The following SNAP25 variants were observed in gnomAD, a reference collection of about 807,000 sequenced individuals.
SNAP25 encodes the protein synaptosomal-associated protein 25.
In SNAP25, 3 loss-of-function variants were observed where a neutral mutation model predicts 28.7. The ratio of observed to expected loss-of-function variants is 0.10; its 90% CI spans 0.05 to 0.27. SNAP25 has a LOEUF of 0.27. SNAP25 is among the 10% of genes least tolerant of loss of function. The probability of loss-of-function intolerance (pLI) is 1.00; values close to 1 mark genes in which losing one functional copy is unlikely to be tolerated. For synonymous variants in SNAP25, 61 were observed against 88.1 expected (o/e 0.69, Z 1.72); for missense variants, 117 against 278.7 (o/e 0.42, Z 4.13).
intron 1 of SNAP25, among the ~76,000 whole-genome samples, chr20:10,241,857 A>G (rs2063040129): frequency 1.3e-5 from 2 of 152,126 alleles, no homozygotes; most frequent in Admixed American, 6.5e-5. Flanking sequence ...TTGTTCAAAG[A>G]GCCCTGGGGA....
At chr20:10,229,344 A>G (rs2062786102) in intron 1 of SNAP25, among the ~76,000 whole-genome samples, 1 of 152,058 alleles carries the variant, frequency 6.6e-6, no homozygotes, top group Admixed American at 6.6e-5. Flanking sequence ...ACAAGCAGAG[A>G]GATGCAAACC....
At chr20:10,291,281 A>C (rs1158064339) in intron 4 of SNAP25, among the ~76,000 whole-genome samples, 3 of 152,154 alleles carry the variant, frequency 2.0e-5, no homozygotes, top group Non-Finnish European at 2.9e-5. Flanking sequence ...TTACCATGTT[A>C]GCCAGGCTGG....
chr20:10,233,735 C>G (rs1166792070), intron 1 of SNAP25, among the ~76,000 whole-genome samples: 1 of 152,204 alleles, frequency 6.6e-6, no homozygotes, highest in Non-Finnish European at 1.5e-5. Flanking sequence ...GTTTCAAGAT[C>G]ACGTTCTCCC....
chr20:10,267,708 C>T (rs922425054), intron 1 of SNAP25, among the ~76,000 whole-genome samples: 1 of 152,158 alleles, frequency 6.6e-6, no homozygotes, highest in Non-Finnish European at 1.5e-5. Context: ...CACGCCACCA[C>T]ACCCAGCTAA....
chr20:10,267,546 TTG>T (rs938482453), intron 1 of SNAP25, among the ~76,000 whole-genome samples: 124 of 152,094 alleles, frequency 8.2e-4, no homozygotes, highest in African/African-American at 2.8e-3. Context: ...GGTTTTTTGT[TTG>T]TTTGTTTCTT....
chr20:10,227,682 G>A (rs986334425), intron 1 of SNAP25, among the ~76,000 whole-genome samples: 6 of 152,086 alleles, frequency 3.9e-5, no homozygotes, highest in African/African-American at 1.4e-4. Context: ...CTCAATAAAG[G>A]CATTGCTAAA....
intron 1 of SNAP25, among the ~76,000 whole-genome samples, chr20:10,245,138 T>C (rs2063104579): frequency 6.6e-6 from 1 of 152,168 alleles, no homozygotes; most frequent in South Asian, 2.1e-4. Flanking sequence ...CCTCCCAGTC[T>C]AGTGTGGCAT....
At chr20:10,236,444 C>A (rs1267106088) in intron 1 of SNAP25, among the ~76,000 whole-genome samples, 1 of 152,092 alleles carries the variant, frequency 6.6e-6, no homozygotes, top group African/African-American at 2.4e-5. Context: ...GGTAATGTTG[C>A]TTTATCTGTA....
intron 1 of SNAP25, among the ~76,000 whole-genome samples, chr20:10,231,139 C>T (rs954723385): frequency 6.6e-6 from 1 of 151,018 alleles, no homozygotes; most frequent in East Asian, 2.0e-4. Context: ...ACCCCCCACA[C>T]TTCCTGCCCC....
At chr20:10,271,733 CGAGA>C (rs142870582) in intron 1 of SNAP25, among the ~76,000 whole-genome samples, 1 of 149,188 alleles carries the variant, frequency 6.7e-6, no homozygotes, top group Non-Finnish European at 1.5e-5. Context: ...AGAGGGAGAG[CGAGA>C]GAGAGAGAGA....
In SNAP25 at chr20:10,290,188, A is replaced by T. The variant is rs548535370; in HGVS notation, c.164-2973A>T. ...TCACAGAAATCATTGAAGTGCCATG[A>T]AGTCCCAATATGCCAAACATCTCCA... On this transcript the variant is annotated intron_variant, in intron 4 of 7. Transcript: ENST00000254976. Among the ~76,000 whole-genome samples, 3 of 152,322 alleles carry T rather than the reference A, an allele frequency of 2.0e-5. No individual in the cohort carries two copies. In the South Asian group the frequency reaches 6.2e-4, roughly 32 times the overall value.
chr20:10,255,541 A>G (rs363054), intron 1 of SNAP25, among the ~76,000 whole-genome samples: 6,751 of 152,216 alleles, frequency 0.044, 521 homozygotes, highest in African/African-American at 0.15. Flanking sequence ...CTACCTGGCA[A>G]TTGGAGATGC....
intron 7 of SNAP25, 128 bp from the exon 8 acceptor site, chr20:10,306,001 G>A: frequency 1.4e-6 from 1 of 699,968 alleles, no homozygotes; most frequent in Non-Finnish European, 2.5e-6. Flanking sequence ...CAAAAGAAAG[G>A]ATGGCCCATG....
chr20:10,231,265 G>T (rs369329388), intron 1 of SNAP25, among the ~76,000 whole-genome samples: 31 of 152,198 alleles, frequency 2.0e-4, no homozygotes, highest in African/African-American at 6.7e-4. Context: ...CTTGGGAAAA[G>T]GATCCTGATG....
At chr20:10,275,682 A>G (rs928685785) in intron 2 of SNAP25, 119 bp downstream of exon 2, 1 of 753,986 alleles carries the variant, frequency 1.3e-6, no homozygotes, top group Admixed American at 3.3e-5. Context: ...AGAAAAAGTA[A>G]TATGACTTTG....
chr20:10,228,674 T>C (rs763666864), intron 1 of SNAP25, among the ~76,000 whole-genome samples: 4 of 152,186 alleles, frequency 2.6e-5, no homozygotes, highest in Non-Finnish European at 5.9e-5. Context: ...ATTGCTGCCA[T>C]GCATATATGT....
intron 4 of SNAP25, among the ~76,000 whole-genome samples, chr20:10,290,277 T>G (rs362588): frequency 0.15 from 22,518 of 152,170 alleles, 1,883 homozygotes; most frequent in Admixed American, 0.2. Flanking sequence ...ACAAAATGAC[T>G]CCACAATATT....
At chr20:10,249,435 C>T (rs1313647089) in intron 1 of SNAP25, among the ~76,000 whole-genome samples, 1 of 152,120 alleles carries the variant, frequency 6.6e-6, no homozygotes, top group East Asian at 1.9e-4. Context: ...CCTTTTGAAG[C>T]TATTGACGGG....
chr20:10,278,620 T>G (rs2123025447), intron 3 of SNAP25, among the ~76,000 whole-genome samples: 1 of 152,296 alleles, frequency 6.6e-6, no homozygotes, highest in Admixed American at 6.5e-5. Context: ...TATAAATTCA[T>G]GTGTGATTAT....
Sources: gnomAD v4.1 joint callset for allele counts (sites outside exome capture counted in the v4.1 genomes callset) on GRCh38, gnomAD v4.1.1 for gene constraint, MANE v1.5 for transcripts, NCBI Gene and HGNC (gene_info 2026-07-23, HGNC 2026-07-21) for gene names.